The following SYNE1 variants were observed in gnomAD, a reference collection of about 807,000 sequenced individuals.
The protein encoded by SYNE1 is spectrin repeat containing nuclear envelope protein 1, also known as nesprin-1.
SYNE1 carries 616 observed loss-of-function variants against 1,111.0 expected under a neutral mutation model. That is an observed-to-expected ratio of 0.55 (90% CI 0.52 to 0.59). The LOEUF is 0.59. SYNE1 is among the 20% of genes least tolerant of loss of function. The probability of loss-of-function intolerance (pLI) is 0.00; values close to 1 mark genes in which losing one functional copy is unlikely to be tolerated. For synonymous variants in SYNE1, 3,855 were observed against 3,825.8 expected (o/e 1.01, Z -0.28); for missense variants, 10,006 against 10,417.0 (o/e 0.96, Z 1.72).
rs1047106129 is a variant in SYNE1 at position 152,294,123 on chromosome 6, A to G, written c.17687T>C (p.Ile5896Thr). 7 of 1,613,304 alleles carry G rather than the reference A, an allele frequency of 4.3e-6. No homozygotes were observed. The African/African-American group carries it at 9.3e-5, about 22-fold the overall frequency. ...ANTDASVNQDIAYYQALSAER... is the reference protein window; with the variant it reads ...ANTDASVNQDTAYYQALSAER... ...AGCAGACAAGGCTTGGTAATATGCA[A>G]TGTCCTGTGAGTGCAAAGCACAGTA... The change falls in exon 94 of 146, where the codon ATT (isoleucine) becomes ACT (threonine). Residue 5896 changes from isoleucine (I) to threonine (T), a missense_variant. Ile to Thr is a moderately conservative substitution (Grantham distance 89, BLOSUM62 -1). This residue lies in a region of SYNE1 where 4,955 missense variants were observed against 5,017.2 expected (regional missense o/e 0.99). Transcript: ENST00000367255.
intron 3 of SYNE1, among the ~76,000 whole-genome samples, chr6:152,564,528 G>A (rs1369212339): frequency 6.6e-6 from 1 of 152,104 alleles, no homozygotes; most frequent in Non-Finnish European, 1.5e-5. Context: ...TGTTGCCTAG[G>A]CTGGTCTTGA....
At chr6:152,279,401 C>T (rs1379996408) in intron 97 of SYNE1, among the ~76,000 whole-genome samples, 2 of 151,562 alleles carry the variant, frequency 1.3e-5, no homozygotes, top group Non-Finnish European at 2.9e-5. Context: ...CTTCATTTCC[C>T]TATACAAAAT....
intron 130 of SYNE1, chr6:152,168,449 G>A: frequency 4.2e-6 from 2 of 480,250 alleles, no homozygotes; most frequent in South Asian, 6.1e-5. Context: ...TGTAAGAAGG[G>A]GAAAAAGCTC....
chr6:152,351,949 A>G, intron 70 of SYNE1, 78 bp downstream of exon 70: 1 of 1,366,428 alleles, frequency 7.3e-7, no homozygotes, highest in South Asian at 1.2e-5. Context: ...TACGGGTGAC[A>G]CCCAGCAAGA....
chr6:152,442,650 G>A (rs924756921), intron 30 of SYNE1, among the ~76,000 whole-genome samples: 2 of 152,194 alleles, frequency 1.3e-5, no homozygotes, highest in Admixed American at 6.5e-5. Flanking sequence ...CAAATATTAA[G>A]AGATTTATGG....
At chr6:152,411,524 A>G (rs1301104575) in intron 42 of SYNE1, among the ~76,000 whole-genome samples, 1 of 151,784 alleles carries the variant, frequency 6.6e-6, no homozygotes, top group African/African-American at 2.4e-5. Context: ...AAAGACCTCA[A>G]TAACAAAAAA....
intron 3 of SYNE1, among the ~76,000 whole-genome samples, chr6:152,577,600 T>G (rs1259450421): frequency 6.6e-6 from 1 of 151,958 alleles, no homozygotes; most frequent in Non-Finnish European, 1.5e-5. Context: ...GCCACTGCAC[T>G]CCAGCCTGGG....
intron 95 of SYNE1, among the ~76,000 whole-genome samples, chr6:152,293,200 A>G (rs2094694793): frequency 6.6e-6 from 1 of 152,254 alleles, no homozygotes; most frequent in Admixed American, 6.5e-5. Context: ...TCTTAAAACA[A>G]CAATATCGAG....
intron 127 of SYNE1, 30 bp from the exon 128 acceptor site, chr6:152,189,437 C>A (rs367651583): frequency 1.2e-6 from 2 of 1,610,062 alleles, no homozygotes; most frequent in Non-Finnish European, 1.7e-6. Context: ...TGAATACCCA[C>A]GGACATCTCC....
intron 120 of SYNE1, 48 bp downstream of exon 120, chr6:152,218,955 A>G (rs1275307341): frequency 6.3e-7 from 1 of 1,575,910 alleles, no homozygotes; most frequent in Non-Finnish European, 8.7e-7. Context: ...GTGCCCAGAT[A>G]TTAGAGAACA....
intron 16 of SYNE1, among the ~76,000 whole-genome samples, chr6:152,469,400 C>T (rs1409559402): frequency 6.6e-6 from 1 of 151,956 alleles, no homozygotes; most frequent in Non-Finnish European, 1.5e-5. Context: ...TATTCACAGA[C>T]ACATGGGTGC....
At chr6:152,364,718 A>AAGGAAGGT (rs1436442666) in intron 63 of SYNE1, 129 bp downstream of exon 63, 2 of 1,042,166 alleles carry the variant, frequency 1.9e-6, no homozygotes, top group Non-Finnish European at 2.9e-6. Flanking sequence ...GGAAGGAAGG[A>AAGGAAGGT]AGGAAGGAAG....
chr6:152,278,395 T>C (rs1229056953), intron 97 of SYNE1, 115 bp from the exon 98 acceptor site: 1 of 1,268,852 alleles, frequency 7.9e-7, no homozygotes. Context: ...CAGGCTTTCA[T>C]GATTTTTTGT....
At chr6:152,516,672 A>T (rs1435972334) in intron 6 of SYNE1, among the ~76,000 whole-genome samples, 1 of 152,070 alleles carries the variant, frequency 6.6e-6, no homozygotes, top group East Asian at 1.9e-4. Context: ...TCAACCTCCC[A>T]GGCTCAAGAG....
At chr6:152,582,346 T>A (rs2099522961) in intron 3 of SYNE1, among the ~76,000 whole-genome samples, 1 of 152,074 alleles carries the variant, frequency 6.6e-6, no homozygotes, top group South Asian at 2.1e-4. Flanking sequence ...ATCTCTCACA[T>A]CTCTCCTTGT....
rs774635625 is a variant in SYNE1 at position 152,500,794 on chromosome 6, C to CA, written c.888+1838dup. Among the ~76,000 whole-genome samples the CA allele has an allele frequency of 4.4e-4, 66 of 151,598 alleles. 1 individual carries two copies. Among genetic ancestry groups the CA allele is most frequent in the East Asian group, 3.9e-4 (2 of 5,118 alleles). On this transcript the variant is annotated intron_variant, in intron 10 of 145. Coordinates refer to ENST00000367255, the MANE Select transcript of SYNE1 (RefSeq NM_182961.4). Reference sequence around the variant, plus strand: ...GAAACCCCGTCTCCACTAAAAAATACAAAAAAATTAGCCGGGCGTGGTGGC... The same window carrying CA: ...GAAACCCCGTCTCCACTAAAAAATACAAAAAAAATTAGCCGGGCGTGGTGGC...
chr6:152,631,744 A>G (rs2099698327), intron 2 of SYNE1, among the ~76,000 whole-genome samples: 1 of 152,096 alleles, frequency 6.6e-6, no homozygotes, highest in Admixed American at 6.5e-5. Context: ...GGGTATAGGT[A>G]GAAGGAGGTG....
intron 11 of SYNE1, among the ~76,000 whole-genome samples, chr6:152,493,228 T>TC (rs1303479377): frequency 6.6e-6 from 1 of 152,068 alleles, no homozygotes; most frequent in African/African-American, 2.4e-5. Flanking sequence ...TTGAGAGGAC[T>TC]AAAGCCTGTC....
chr6:152,462,991 G>C, intron 19 of SYNE1, 101 bp from the exon 20 acceptor site: 1 of 1,389,492 alleles, frequency 7.2e-7, no homozygotes. Context: ...TTGTTATCCG[G>C]TAAGAAAGAC....
Sources: allele counts gnomAD v4.1 joint callset (sites outside exome capture counted in the v4.1 genomes callset), GRCh38; gene constraint gnomAD v4.1.1; regional missense constraint gnomAD v4.1.1; transcripts MANE v1.5; gene names NCBI Gene and HGNC (gene_info 2026-07-23, HGNC 2026-07-21).